RUBCN: variants seen among roughly 807,000 people sequenced by gnomAD.
The protein encoded by RUBCN is run domain Beclin-1-interacting and cysteine-rich domain-containing protein.
RUBCN carries 74 observed loss-of-function variants against 113.2 expected under a neutral mutation model. The observed-to-expected ratio is 0.65, with a 90% CI of 0.54 to 0.79. The LOEUF (loss-of-function observed/expected upper bound fraction) is 0.79. Ranked by LOEUF, RUBCN falls within the 30% of genes least tolerant of loss-of-function variation. RUBCN has a pLI of 0.00. For missense variants in RUBCN, 1,109 were observed against 1,251.7 expected, an observed-to-expected ratio of 0.89 and a Z score of 1.72; for synonymous variants, 480 against 490.0, an observed-to-expected ratio of 0.98 and a Z score of 0.27.
intron 2 of RUBCN, among the ~76,000 whole-genome samples, chr3:197,716,113 T>C (rs951202111): frequency 6.6e-6 from 1 of 152,184 alleles, no homozygotes. Context: ...ACTGAGCACA[T>C]GGAGTTTCAT....
At chr3:197,717,186 G>A (rs549497887) in intron 2 of RUBCN, among the ~76,000 whole-genome samples, 1 of 151,764 alleles carries the variant, frequency 6.6e-6, no homozygotes, top group Non-Finnish European at 1.5e-5. Flanking sequence ...TGTAATCCCA[G>A]CACTTTGGGA....
chr3:197,695,838 G>C (rs376930307), intron 9 of RUBCN, 28 bp downstream of exon 9: 1 of 1,588,744 alleles, frequency 6.3e-7, no homozygotes, highest in Non-Finnish European at 8.6e-7. Context: ...CAACTCATGA[G>C]CTCTTCATGA....
chr3:197,707,740 G>A (rs1451159160), intron 2 of RUBCN, among the ~76,000 whole-genome samples: 2 of 152,080 alleles, frequency 1.3e-5, no homozygotes, highest in East Asian at 3.9e-4. Context: ...AGGTGGGAGG[G>A]TCACCTGAGT....
chr3:197,749,606 C>G, exon 1 of RUBCN: 1 of 1,122,414 alleles, frequency 8.9e-7, no homozygotes, highest in South Asian at 1.3e-5. Context: ...AGGAGGGACT[C>G]GAAGGACACG....
intron 7 of RUBCN, among the ~76,000 whole-genome samples, chr3:197,697,685 G>A (rs1410739216): frequency 6.6e-6 from 1 of 152,178 alleles, no homozygotes; most frequent in Non-Finnish European, 1.5e-5. Flanking sequence ...AGCTGGGAGG[G>A]AGAACAGTAG....
In RUBCN at chr3:197,668,925, A is replaced by G. The variant is rs775748158; in HGVS notation, c.*6093T>C. Among the ~76,000 whole-genome samples the G allele has an allele frequency of 8.5e-5, 13 of 152,250 alleles. No homozygotes were observed. Among genetic ancestry groups the G allele is most frequent in the Admixed American group, 6.5e-4 (10 of 15,292 alleles). On this transcript the variant is annotated 3_prime_UTR_variant, in exon 20 of 20. Transcript: ENST00000296343. ...CATTTACAGCTAATTCAGTAAGCAG[A>G]TAAGAGGAAAAAATACTCCACAATG...
In RUBCN at chr3:197,681,843, G is replaced by A. The variant is rs747310641; in HGVS notation, c.2183C>T (p.Thr728Ile). Residue 728 changes from threonine to isoleucine, a missense_variant, in exon 15 of 20, where the codon ACT becomes ATT. This residue lies in a region of RUBCN where 306 missense variants were observed against 348.9 expected (regional missense o/e 0.88). Transcript: ENST00000296343. The surrounding 1 kb of genome is among the most constrained non-coding windows in gnomAD (Gnocchi z 5.5). The part of the protein sequence containing the change: ...NYRCAGCGIR[T>I]DPDYIKRLRY... The stretch of plus-strand genomic sequence containing the variant: ...GAAGGGAAGGCACTCACCAGGGTCA[G>A]TCCGGATGCCACATCCTGCACAGCG... 7 of 1,614,000 alleles carry A rather than the reference G, an allele frequency of 4.3e-6. No individual in the cohort carries two copies. In the South Asian group the frequency reaches 6.6e-5, roughly 15 times the overall value.
At chr3:197,691,945 A>G (rs959715317) in intron 11 of RUBCN, among the ~76,000 whole-genome samples, 1 of 152,004 alleles carries the variant, frequency 6.6e-6, no homozygotes, top group Non-Finnish European at 1.5e-5. Flanking sequence ...AATTTCTTGA[A>G]TCATTCAAGA....
chr3:197,707,696 C>A (rs1292706907), intron 2 of RUBCN, among the ~76,000 whole-genome samples: 4 of 152,158 alleles, frequency 2.6e-5, no homozygotes, highest in Non-Finnish European at 4.4e-5. Context: ...GGTACAGGGG[C>A]TCACGCCTGT....
At chr3:197,677,684 C>T in intron 16 of RUBCN, 143 bp from the exon 17 acceptor site, 2 of 711,618 alleles carry the variant, frequency 2.8e-6, no homozygotes, top group Non-Finnish European at 5.0e-6. Flanking sequence ...GCTCTGACAA[C>T]TGGCTCCAGA....
chr3:197,687,868 CAG>C (rs1722021285), intron 11 of RUBCN, among the ~76,000 whole-genome samples: 1 of 152,200 alleles, frequency 6.6e-6, no homozygotes, highest in Admixed American at 6.5e-5. Context: ...GGCACCATCT[CAG>C]GGCAGCTCTG....
At chr3:197,713,812 T>C (rs563414204) in intron 2 of RUBCN, among the ~76,000 whole-genome samples, 45 of 151,946 alleles carry the variant, frequency 3.0e-4, no homozygotes, top group Non-Finnish European at 3.8e-4. Context: ...CGGTGGCTCA[T>C]GCCTGTAATC....
intron 1 of RUBCN, among the ~76,000 whole-genome samples, chr3:197,732,037 G>T (rs1349136251): frequency 6.6e-6 from 1 of 152,264 alleles, no homozygotes; most frequent in East Asian, 1.9e-4. Flanking sequence ...TGTTGAGTGA[G>T]TGGAAAATGC....
chr3:197,738,310 C>T (rs552021560), upstream of RUBCN, among the ~76,000 whole-genome samples: 1 of 152,262 alleles, frequency 6.6e-6, no homozygotes, highest in Admixed American at 6.5e-5. Flanking sequence ...CTATAAAGGA[C>T]TGACTGTGGC....
intron 11 of RUBCN, among the ~76,000 whole-genome samples, chr3:197,688,941 GT>G (rs1417397736): frequency 2.6e-5 from 4 of 151,990 alleles, no homozygotes; most frequent in Non-Finnish European, 5.9e-5. Flanking sequence ...CGATGACAAT[GT>G]TTTCAGGCTG....
In RUBCN at chr3:197,681,151, A is replaced by C; in HGVS notation, c.2408T>G (p.Val803Gly). Residue 803 changes from valine (V) to glycine (G), a missense_variant, in exon 16 of 20, where the codon GTC becomes GGC. By Grantham distance (109) the Val-to-Gly change is moderately radical. Around this residue, in one of 3 missense-constraint regions of RUBCN, gnomAD observed 306 missense variants for 348.9 expected, o/e 0.88. Coordinates refer to ENST00000296343, the MANE Select transcript of RUBCN (RefSeq NM_014687.4). The surrounding 1 kb of genome is among the most constrained non-coding windows in gnomAD (Gnocchi z 5.5). The stretch of plus-strand genomic sequence containing the variant: ...TACCCGGACTTGATTGAGCAGCTTG[A>C]CCTTCCTATAGAGGGCACTGTTTAT... ...QDINSALYRK[V>G]KLLNQVRLLR... The C allele has an allele frequency of 6.2e-7, 1 of 1,613,496 alleles. No homozygotes were observed. The highest frequency in any genetic ancestry group is 1.1e-5 in the South Asian group (1 of 91,050).
At chr3:197,694,657 A>ACTCCCTTTTCCAC in intron 9 of RUBCN, 72 bp from the exon 10 acceptor site, 1 of 1,379,306 alleles carries the variant, frequency 7.3e-7, no homozygotes, top group Non-Finnish European at 1.0e-6. Context: ...TAATGTGGAA[A>ACTCCCTTTTCCAC]AGGGAGTTTC....
intron 2 of RUBCN, among the ~76,000 whole-genome samples, chr3:197,717,369 G>A (rs564418926): frequency 5.3e-5 from 8 of 151,948 alleles, no homozygotes; most frequent in East Asian, 1.9e-4. Flanking sequence ...CTGTGAACCC[G>A]GGAGGCGGAG....
chr3:197,701,154 AT>A lies in RUBCN; in HGVS notation c.728-9del. 1 of 1,520,060 alleles carries A rather than the reference AT, an allele frequency of 6.6e-7. No homozygotes were observed. The highest frequency in any genetic ancestry group is 8.8e-7 in the Non-Finnish European group (1 of 1,137,948). The allele number at this position is 1,520,060 out of a possible 1,614,324, so 94.2% of individuals were successfully genotyped here. On this transcript the variant is annotated splice_polypyrimidine_tract_variant and intron_variant, in intron 6 of 19. Coordinates refer to ENST00000296343, the MANE Select transcript of RUBCN (RefSeq NM_014687.4). The stretch of plus-strand genomic sequence containing the variant: ...AGGAAGTAGATCTTCTCTCTAGAAT[AT>A]AAAAGGAAATGGTAAGGGGAGCAAG...
Sources: gnomAD v4.1 joint callset for allele counts (sites outside exome capture counted in the v4.1 genomes callset) on GRCh38, gnomAD v4.1.1 for gene constraint, gnomAD v4.1.1 regional missense constraint, Gnocchi (gnomAD v3.1) non-coding constraint, MANE v1.5 for transcripts, NCBI Gene and HGNC (gene_info 2026-07-23, HGNC 2026-07-21) for gene names.